TGFBR2: variants seen among roughly 807,000 people sequenced by gnomAD.
The protein encoded by TGFBR2 is transforming growth factor beta receptor 2, also known as TGF-beta receptor type-2.
A neutral mutation model predicts 49.0 loss-of-function variants in TGFBR2; 18 were observed. The ratio of observed to expected loss-of-function variants is 0.37; its 90% CI spans 0.25 to 0.54. The LOEUF (loss-of-function observed/expected upper bound fraction) is 0.54. Ranked by LOEUF, TGFBR2 falls within the 20% of genes least tolerant of loss-of-function variation. TGFBR2 has a pLI of 0.85. For synonymous variants in TGFBR2, 282 were observed against 275.9 expected, an observed-to-expected ratio of 1.02 and a Z score of -0.22; for missense variants, 525 against 722.6, an observed-to-expected ratio of 0.73 and a Z score of 3.13.
At chr3:30,655,251 G>A (rs566515708) in intron 3 of TGFBR2, among the ~76,000 whole-genome samples, 2 of 152,336 alleles carry the variant, frequency 1.3e-5, no homozygotes, top group East Asian at 3.9e-4. Context: ...AACCAGGCCT[G>A]TGTAGCCTTC....
rs2125434938 is a variant in TGFBR2, at chr3:30,672,078, C to A, written c.895C>A (p.Leu299Met). 1 of 1,614,222 alleles carries A rather than the reference C, an allele frequency of 6.2e-7. No homozygotes were observed. The highest frequency in any genetic ancestry group is 8.5e-7 in the Non-Finnish European group (1 of 1,180,026). ...TEKDIFSDINLKHENILQFLT... is the reference protein window; with the variant it reads ...TEKDIFSDINMKHENILQFLT... ...GAAGGACATCTTCTCAGACATCAAT[C>A]TGAAGCATGAGAACATACTCCAGTT... The change falls in exon 4 of 7, where the codon CTG (leucine) becomes ATG (methionine). Residue 299 changes from leucine (L) to methionine (M), a missense_variant. Around this residue, in one of 3 missense-constraint regions of TGFBR2, gnomAD observed 376 missense variants for 478.2 expected, o/e 0.79. Coordinates refer to ENST00000295754, the MANE Select transcript of TGFBR2 (RefSeq NM_003242.6). This position sits in a 1 kb window ranked among gnomAD's most constrained non-coding sequence, Gnocchi z 4.5.
At chr3:30,685,145 T>C (rs1699600289) in intron 5 of TGFBR2, among the ~76,000 whole-genome samples, 1 of 152,220 alleles carries the variant, frequency 6.6e-6, no homozygotes, top group Non-Finnish European at 1.5e-5. Context: ...TAGGGATTGT[T>C]GTTGATAGTC....
At chr3:30,690,135 T>C (rs1699687774) in intron 6 of TGFBR2, among the ~76,000 whole-genome samples, 1 of 152,220 alleles carries the variant, frequency 6.6e-6, no homozygotes, top group Admixed American at 6.5e-5. Context: ...CCAGGTAGTT[T>C]TGAGATTTAT....
At chr3:30,664,785 A>G (rs1302521344) in intron 3 of TGFBR2, among the ~76,000 whole-genome samples, 1 of 152,260 alleles carries the variant, frequency 6.6e-6, no homozygotes, top group Non-Finnish European at 1.5e-5. Context: ...ACTATTTTAA[A>G]TAAAAGTCAC....
chr3:30,628,528 GTTTTT>G (rs569832149), intron 1 of TGFBR2, among the ~76,000 whole-genome samples: 19 of 80,198 alleles, frequency 2.4e-4, no homozygotes, highest in East Asian at 2.3e-3. Context: ...AAGCCTGTGG[GTTTTT>G]TTTTTTTTTT....
rs1011533932 is a variant in TGFBR2 at position 30,684,987 on chromosome 3, C to T, written c.1397-3397C>T. ...GATTAGGACTTGGAATGAATTGGCT[C>T]TGCGTTTATAGTCTCAAGGACAAAG... is the stretch of plus-strand genomic sequence containing the variant. On this transcript the variant is annotated intron_variant, in intron 5 of 6. Coordinates refer to ENST00000295754, the MANE Select transcript of TGFBR2 (RefSeq NM_003242.6). Among the ~76,000 whole-genome samples the T allele has an allele frequency of 1.3e-5, 2 of 152,276 alleles. 1 individual carries two copies. The highest frequency in any genetic ancestry group is 6.8e-3 in the Middle Eastern group (2 of 294).
At chr3:30,635,919 C>T (rs570783795) in intron 1 of TGFBR2, among the ~76,000 whole-genome samples, 203 of 152,184 alleles carry the variant, frequency 1.3e-3, no homozygotes, top group Non-Finnish European at 2.5e-3. Flanking sequence ...ACACACTTCC[C>T]GTATCAGCTC....
chr3:30,671,120 T>C (rs1699328796), intron 3 of TGFBR2, among the ~76,000 whole-genome samples: 1 of 152,230 alleles, frequency 6.6e-6, no homozygotes, highest in African/African-American at 2.4e-5. Context: ...TGAGCTTAGA[T>C]AACACTCAGT....
chr3:30,684,132 TA>T (rs1459837508), intron 5 of TGFBR2, among the ~76,000 whole-genome samples: 1 of 152,170 alleles, frequency 6.6e-6, no homozygotes, highest in African/African-American at 2.4e-5. Context: ...GGCATTGCCT[TA>T]ATGGCCATAG....
At chr3:30,659,323 A>G (rs1309910287) in intron 3 of TGFBR2, among the ~76,000 whole-genome samples, 1 of 152,194 alleles carries the variant, frequency 6.6e-6, no homozygotes, top group East Asian at 1.9e-4. Flanking sequence ...GAGAAGAGAA[A>G]TCAGTTATTT....
chr3:30,629,284 A>G (rs1698393760), intron 1 of TGFBR2, among the ~76,000 whole-genome samples: 2 of 152,224 alleles, frequency 1.3e-5, no homozygotes. Context: ...ATGTGTCCTC[A>G]TGGCTACTGT....
At chr3:30,620,181 T>C (rs1263078193) in intron 1 of TGFBR2, among the ~76,000 whole-genome samples, 4 of 152,256 alleles carry the variant, frequency 2.6e-5, no homozygotes, top group East Asian at 3.9e-4. Flanking sequence ...AGTGAGACTC[T>C]GTCTCAAAAC....
intron 1 of TGFBR2, among the ~76,000 whole-genome samples, chr3:30,629,203 A>G (rs1698392591): frequency 6.6e-6 from 1 of 152,244 alleles, no homozygotes. Context: ...AAGCACTTGA[A>G]AATGGCTGGT....
chr3:30,659,317 A>C (rs928846377), intron 3 of TGFBR2, among the ~76,000 whole-genome samples: 12 of 152,234 alleles, frequency 7.9e-5, no homozygotes, highest in African/African-American at 2.4e-4. Context: ...ATTCCTGAGA[A>C]GAGAAATCAG....
chr3:30,675,780 T>C (rs1257147090), intron 5 of TGFBR2, among the ~76,000 whole-genome samples: 2 of 152,246 alleles, frequency 1.3e-5, no homozygotes, highest in Non-Finnish European at 2.9e-5. Context: ...AACTCAACTT[T>C]GCCTGTTGTT....
chr3:30,667,761 G>A (rs1018838341), intron 3 of TGFBR2, among the ~76,000 whole-genome samples: 3 of 152,092 alleles, frequency 2.0e-5, no homozygotes, highest in African/African-American at 4.8e-5. Context: ...TCATCTGGAC[G>A]TTTTAGTGAA....
At chr3:30,646,454 A>C (rs1023508467) in intron 2 of TGFBR2, among the ~76,000 whole-genome samples, 3 of 152,206 alleles carry the variant, frequency 2.0e-5, no homozygotes, top group African/African-American at 7.2e-5. Flanking sequence ...AGTACAGTGA[A>C]GAGAGATCGT....
intron 2 of TGFBR2, among the ~76,000 whole-genome samples, chr3:30,645,498 T>G (rs1442531441): frequency 1.3e-5 from 2 of 151,058 alleles, no homozygotes; most frequent in Non-Finnish European, 3.0e-5. Flanking sequence ...TTTCTTTTTT[T>G]TTTTTGAGAT....
chr3:30,624,103 A>G (rs894892545), intron 1 of TGFBR2, among the ~76,000 whole-genome samples: 2 of 152,240 alleles, frequency 1.3e-5, no homozygotes, highest in South Asian at 2.1e-4. Flanking sequence ...AGATCATGCC[A>G]TTGCACTCCA....
Sources: gnomAD v4.1 joint callset for allele counts (sites outside exome capture counted in the v4.1 genomes callset) on GRCh38, gnomAD v4.1.1 for gene constraint, gnomAD v4.1.1 regional missense constraint, Gnocchi (gnomAD v3.1) non-coding constraint, MANE v1.5 for transcripts, NCBI Gene and HGNC (gene_info 2026-07-23, HGNC 2026-07-21) for gene names.